The following SPATA22 variants were observed in gnomAD, a reference collection of about 807,000 sequenced individuals.
The protein encoded by SPATA22 is spermatogenesis-associated protein 22.
In SPATA22, 29 loss-of-function variants were observed where a neutral mutation model predicts 47.8. That is an observed-to-expected ratio of 0.61 (90% CI 0.45 to 0.83). The LOEUF (loss-of-function observed/expected upper bound fraction) is 0.83. Among genes scored for constraint, SPATA22 ranks in the 40% least tolerant of loss-of-function variants. The probability of loss-of-function intolerance (pLI) is 0.00; values close to 1 mark genes in which losing one functional copy is unlikely to be tolerated. For synonymous variants in SPATA22, 133 were observed against 140.9 expected, an observed-to-expected ratio of 0.94 and a Z score of 0.40; for missense variants, 410 against 421.7, an observed-to-expected ratio of 0.97 and a Z score of 0.24.
chr17:3,496,928 T>A lies in SPATA22; in HGVS notation c.-74+16484A>T, dbSNP rs895318407. Among the ~76,000 whole-genome samples the A allele has an allele frequency of 3.3e-5, 5 of 152,126 alleles. No individual in the cohort carries two copies. The South Asian group carries it at 6.3e-4, about 19-fold the overall frequency. On this transcript the variant is annotated intron_variant, in intron 1 of 8. Transcript: ENST00000541913. ...AAAAATACAAAAAATTAGCCGGGCATGGTGGCAGGCGCCTGTAATCCCAGC... is the reference window on the plus strand; with the variant it reads ...AAAAATACAAAAAATTAGCCGGGCAAGGTGGCAGGCGCCTGTAATCCCAGC...
At chr17:3,495,266 T>C (rs1383200884) in intron 1 of SPATA22, among the ~76,000 whole-genome samples, 2 of 152,164 alleles carry the variant, frequency 1.3e-5, no homozygotes, top group African/African-American at 4.8e-5. Context: ...AGTCCAGGGC[T>C]TTCAACCCCG....
rs2073799953 is a variant in SPATA22, at chr17:3,490,160, A to G, written c.-73-20762T>C. ...AAGAAAACACACCAAACTGATAACA[A>G]TAGTTACCGGGGACGGGAGGCAAAA... On this transcript the variant is annotated intron_variant, in intron 1 of 8. Coordinates refer to the SPATA22 transcript ENST00000541913. The surrounding 1 kb of genome is among the most constrained non-coding windows in gnomAD (Gnocchi z 4.6). Among the ~76,000 whole-genome samples the G allele has an allele frequency of 6.6e-6, 1 of 152,186 alleles. No homozygotes were observed. Among genetic ancestry groups the G allele is most frequent in the Non-Finnish European group, 1.5e-5 (1 of 68,030 alleles).
intron 1 of SPATA22, among the ~76,000 whole-genome samples, chr17:3,498,421 A>T (rs2073943845): frequency 6.6e-6 from 1 of 152,022 alleles, no homozygotes; most frequent in Non-Finnish European, 1.5e-5. Flanking sequence ...AACATAGCTC[A>T]CTGTAGCCTC....
rs753574857 is a variant in SPATA22 at position 3,449,042 on chromosome 17, C to T, written c.437G>A (p.Cys146Tyr). 1.9e-6 allele frequency: 3 copies of T among 1,613,890 alleles called. No homozygotes were observed. The highest frequency in any genetic ancestry group is 2.5e-6 in the Non-Finnish European group (3 of 1,179,928). The change falls in exon 6 of 9, where the codon TGT (cysteine) becomes TAT (tyrosine). Residue 146 changes from cysteine (C) to tyrosine (Y), a missense_variant. Physicochemically the swap from Cys to Tyr is radical, Grantham distance 194 (BLOSUM62 -2). Transcript: ENST00000572969. ...TTGTTGAGCTCCCGAACTCACTGGACAAGAATTTTTTCCATCATTTGCCAC... is the reference window on the plus strand; with the variant it reads ...TTGTTGAGCTCCCGAACTCACTGGATAAGAATTTTTTCCATCATTTGCCAC... ...NLVANDGKNS[C>Y]PVSSGAQQQK...
At chr17:3,496,076 C>T (rs1460288650) in intron 1 of SPATA22, among the ~76,000 whole-genome samples, 1 of 152,106 alleles carries the variant, frequency 6.6e-6, no homozygotes, top group African/African-American at 2.4e-5. Flanking sequence ...AGATCAGTAG[C>T]AAACTGGGCT....
Position 3,485,702 on chromosome 17 carries a change from T to G in SPATA22, c.-73-16304A>C, listed in dbSNP as rs773642133. Among the ~76,000 whole-genome samples, 37 of 152,170 alleles carry G rather than the reference T, an allele frequency of 2.4e-4. No individual in the cohort carries two copies. The highest frequency in any genetic ancestry group is 5.2e-4 in the Admixed American group (8 of 15,270). ...TCTCCTTATCAAGACCTGTCAAAGA[T>G]CTGAGAAATTTTACCCGACTTACAA... On this transcript the variant is annotated intron_variant, in intron 1 of 8. Coordinates refer to the SPATA22 transcript ENST00000541913. This position sits in a 1 kb window ranked among gnomAD's most constrained non-coding sequence, Gnocchi z 4.4.
intron 8 of SPATA22, chr17:3,440,767 G>A (rs568556229): frequency 6.5e-6 from 1 of 153,346 alleles, no homozygotes; most frequent in Admixed American, 6.5e-5. Flanking sequence ...TCAAGACAGT[G>A]AGGAATTACA....
intron 1 of SPATA22, among the ~76,000 whole-genome samples, chr17:3,507,637 T>C (rs1371512961): frequency 6.6e-6 from 1 of 152,224 alleles, no homozygotes; most frequent in Non-Finnish European, 1.5e-5. Context: ...GAAAGGATTG[T>C]GAACTTCGCA....
rs573413633 is a variant in SPATA22, at chr17:3,488,385, G to A, written c.-73-18987C>T. ...ATAAAATTAAAACCAGGCCAAGCAC[G>A]ACGGCTCACGCCTGTAATCCCAGCA... On this transcript the variant is annotated intron_variant, in intron 1 of 8. Coordinates refer to the SPATA22 transcript ENST00000541913. The surrounding 1 kb of genome is among the most constrained non-coding windows in gnomAD (Gnocchi z 6.1). Among the ~76,000 whole-genome samples the A allele has an allele frequency of 2.6e-5, 4 of 152,298 alleles. No individual in the cohort carries two copies. Among genetic ancestry groups the A allele is most frequent in the South Asian group, 4.1e-4 (2 of 4,828 alleles).
intron 5 of SPATA22, among the ~76,000 whole-genome samples, chr17:3,454,358 G>C (rs1218637015): frequency 6.6e-6 from 1 of 151,748 alleles, no homozygotes; most frequent in Non-Finnish European, 1.5e-5. Context: ...GTGCAGGTTT[G>C]TTACATATGT....
At chr17:3,494,845 T>A (rs1272727028) in intron 1 of SPATA22, among the ~76,000 whole-genome samples, 2 of 152,210 alleles carry the variant, frequency 1.3e-5, no homozygotes, top group South Asian at 4.1e-4. Flanking sequence ...AATTATGATG[T>A]CTATTTTAAT....
At chr17:3,474,542 G>A (rs2073493698), upstream of SPATA22, among the ~76,000 whole-genome samples, 1 of 152,148 alleles carries the variant, frequency 6.6e-6, no homozygotes, top group Non-Finnish European at 1.5e-5. Context: ...GAAGTGTTCA[G>A]TGTACATGGA....
chr17:3,450,335 A>G (rs2150703987), intron 5 of SPATA22, among the ~76,000 whole-genome samples: 1 of 152,362 alleles, frequency 6.6e-6, no homozygotes, highest in South Asian at 2.1e-4. Flanking sequence ...AACACTGTTA[A>G]TTGGGTACAA....
chr17:3,491,476 G>A (rs1244497124), intron 1 of SPATA22, among the ~76,000 whole-genome samples: 1 of 152,150 alleles, frequency 6.6e-6, no homozygotes, highest in Non-Finnish European at 1.5e-5. Context: ...GCCAGGCGCG[G>A]TGGCTCATGC....
Position 3,471,391 on chromosome 17 carries a change from C to T in SPATA22, c.-74+291G>A, listed in dbSNP as rs76430945. ...AAATTTTTAAGTGTAACATTCCACC[C>T]GCGGGACCATTGATCCTGAGGGCGG... On this transcript the variant is annotated intron_variant, in intron 1 of 8. Coordinates refer to ENST00000572969, the MANE Select transcript of SPATA22 (RefSeq NM_001170698.2). The T allele has an allele frequency of 7.5e-4, 738 of 980,310 alleles. 2 individuals are homozygous for T. The highest frequency in any genetic ancestry group is 8.7e-4 in the Non-Finnish European group (721 of 825,436). The allele number at this position is 980,310 out of a possible 1,614,324, so 60.7% of individuals were successfully genotyped here.
chr17:3,478,077 C>T (rs529339674), intron 1 of SPATA22, among the ~76,000 whole-genome samples: 45 of 151,578 alleles, frequency 3.0e-4, no homozygotes, highest in African/African-American at 9.7e-4. Context: ...CCCAGCTATT[C>T]GGGAGACTGA....
At chr17:3,483,478 G>A in intron 1 of SPATA22, 1 of 1,600,418 alleles carries the variant, frequency 6.2e-7, no homozygotes, top group Non-Finnish European at 8.6e-7. Flanking sequence ...ACCTAAGAAA[G>A]ACGTTTTTGA....
At chr17:3,456,337 T>C (rs1290683911) in intron 5 of SPATA22, among the ~76,000 whole-genome samples, 1 of 150,482 alleles carries the variant, frequency 6.6e-6, no homozygotes, top group East Asian at 2.0e-4. Context: ...AAGACTCAAA[T>C]AGACGCAATA....
At chr17:3,480,484 G>A (rs1229523403) in intron 1 of SPATA22, among the ~76,000 whole-genome samples, 1 of 152,176 alleles carries the variant, frequency 6.6e-6, no homozygotes, top group Non-Finnish European at 1.5e-5. Flanking sequence ...TGGGGACCAC[G>A]AGACCAGATA....
Sources: allele counts gnomAD v4.1 joint callset (sites outside exome capture counted in the v4.1 genomes callset), GRCh38; gene constraint gnomAD v4.1.1; non-coding constraint Gnocchi (gnomAD v3.1); transcripts MANE v1.5; gene names NCBI Gene and HGNC (gene_info 2026-07-23, HGNC 2026-07-21).